Variants in HAPLN1 observed in about 807,000 individuals in gnomAD.
HAPLN1 encodes Cartilage link protein.
Under a neutral mutation model 36.5 loss-of-function variants are expected in HAPLN1, and 13 were observed. The observed-to-expected ratio is 0.36, with a 90% CI of 0.23 to 0.57. The LOEUF is 0.57. Ranked by LOEUF, HAPLN1 falls within the 20% of genes least tolerant of loss-of-function variation. The probability of loss-of-function intolerance (pLI) is 0.83; values close to 1 mark genes in which losing one functional copy is unlikely to be tolerated. For synonymous variants in HAPLN1, 202 were observed against 169.8 expected, an observed-to-expected ratio of 1.19 and a Z score of -1.48; for missense variants, 407 against 439.7, an observed-to-expected ratio of 0.93 and a Z score of 0.66.
At chr5:83,655,074 C>T (rs1416736763) in intron 2 of HAPLN1, among the ~76,000 whole-genome samples, 1 of 152,088 alleles carries the variant, frequency 6.6e-6, no homozygotes, top group Non-Finnish European at 1.5e-5. Flanking sequence ...TATTAGTCTT[C>T]CATAATTTCA....
chr5:83,664,888 T>C (rs1457329477), intron 2 of HAPLN1, among the ~76,000 whole-genome samples: 1 of 152,186 alleles, frequency 6.6e-6, no homozygotes, highest in Non-Finnish European at 1.5e-5. Context: ...GTATTCTGTT[T>C]ATACGGAAAC....
At chr5:83,710,929 C>T (rs750609214) in intron 1 of HAPLN1, among the ~76,000 whole-genome samples, 4 of 150,820 alleles carry the variant, frequency 2.7e-5, no homozygotes, top group South Asian at 2.1e-4. Context: ...CCAGCCTGGG[C>T]GACAGAGAGA....
chr5:83,714,506 CT>C (rs929011690), intron 1 of HAPLN1, among the ~76,000 whole-genome samples: 2 of 152,054 alleles, frequency 1.3e-5, no homozygotes, highest in Admixed American at 6.5e-5. Flanking sequence ...TCACTGTTTT[CT>C]TTTTTTTCAT....
intron 1 of HAPLN1, among the ~76,000 whole-genome samples, chr5:83,692,931 A>G (rs1751314048): frequency 6.6e-6 from 1 of 151,894 alleles, no homozygotes; most frequent in African/African-American, 2.4e-5. Context: ...AGTCCCCCTT[A>G]TCTTCAAGGG....
At chr5:83,663,884 A>G (rs1416512931) in intron 2 of HAPLN1, among the ~76,000 whole-genome samples, 1 of 139,216 alleles carries the variant, frequency 7.2e-6, no homozygotes, top group Non-Finnish European at 1.5e-5. Flanking sequence ...ATGATTTCTC[A>G]CCTGAACTTT....
At chr5:83,706,334 A>G (rs1050143969) in intron 1 of HAPLN1, among the ~76,000 whole-genome samples, 6 of 152,208 alleles carry the variant, frequency 3.9e-5, no homozygotes, top group African/African-American at 1.4e-4. Context: ...AATCCCTAAC[A>G]AAATACTTGA....
chr5:83,660,314 T>TA (rs1454359223), intron 2 of HAPLN1, among the ~76,000 whole-genome samples: 1 of 152,160 alleles, frequency 6.6e-6, no homozygotes. Flanking sequence ...TGTTTCATAG[T>TA]AAAAAAATGA....
At chr5:83,654,394 A>C (rs1341274853) in intron 2 of HAPLN1, among the ~76,000 whole-genome samples, 1 of 152,236 alleles carries the variant, frequency 6.6e-6, no homozygotes, top group Non-Finnish European at 1.5e-5. Context: ...TTAGGACCAT[A>C]GAATCTCAAG....
intron 1 of HAPLN1, among the ~76,000 whole-genome samples, chr5:83,686,892 GTGT>G (rs1392183672): frequency 6.6e-6 from 1 of 152,140 alleles, no homozygotes; most frequent in Admixed American, 6.5e-5. Flanking sequence ...CTGGAAGGGT[GTGT>G]TGTTTCTCCA....
chr5:83,643,787 G>A (rs1316063591), intron 4 of HAPLN1, among the ~76,000 whole-genome samples: 5 of 152,298 alleles, frequency 3.3e-5, no homozygotes, highest in Admixed American at 6.5e-5. Flanking sequence ...CACAAATGAT[G>A]TGGCTGGTTC....
Position 83,639,195 on chromosome 5 carries a change from G to A in HAPLN1, c.*2301C>T, listed in dbSNP as rs183647325. 3 of 152,184 alleles carry A rather than the reference G, an allele frequency of 2.0e-5. No homozygotes were observed. The highest frequency in any genetic ancestry group is 7.2e-5 in the African/African-American group (3 of 41,560). 9.4% of individuals were successfully genotyped at this position (152,184 alleles called of 1,614,324 possible). Reference sequence around the variant, plus strand: ...ATTAAAAAGACTCATTCAAGTATGAGTATAAAGGGCATGGAAATTCTGGTC... The same window carrying A: ...ATTAAAAAGACTCATTCAAGTATGAATATAAAGGGCATGGAAATTCTGGTC... On this transcript the variant is annotated 3_prime_UTR_variant, in exon 5 of 5. Coordinates refer to ENST00000274341, the MANE Select transcript of HAPLN1 (RefSeq NM_001884.4).
intron 1 of HAPLN1, among the ~76,000 whole-genome samples, chr5:83,707,600 CTT>C (rs1249508224): frequency 6.6e-6 from 1 of 152,156 alleles, no homozygotes; most frequent in Non-Finnish European, 1.5e-5. Flanking sequence ...TAATTAAAAA[CTT>C]AAATGTAAAA....
chr5:83,684,275 T>C (rs1458081676), intron 1 of HAPLN1, among the ~76,000 whole-genome samples: 2 of 152,100 alleles, frequency 1.3e-5, no homozygotes, highest in Non-Finnish European at 2.9e-5. Flanking sequence ...CAATTATCCA[T>C]TGAGAATCCA....
intron 1 of HAPLN1, among the ~76,000 whole-genome samples, chr5:83,704,059 G>A (rs1751572742): frequency 6.8e-6 from 1 of 148,084 alleles, no homozygotes; most frequent in South Asian, 2.1e-4. Flanking sequence ...CCTGTCAGCA[G>A]AAACCTTACA....
chr5:83,681,520 ATT>A (rs11310763), intron 1 of HAPLN1, among the ~76,000 whole-genome samples: 14 of 150,074 alleles, frequency 9.3e-5, no homozygotes, highest in African/African-American at 3.4e-4. Flanking sequence ...TAATTAATGA[ATT>A]TTTTTTTTGA....
Position 83,644,453 on chromosome 5 carries a change from G to C in HAPLN1, c.685C>G (p.Gln229Glu), listed in dbSNP as rs566237561. The change falls in exon 4 of 5, where the codon CAG (glutamine) becomes GAG (glutamate). Residue 229 changes from glutamine (Q) to glutamate (E), a missense_variant. By Grantham distance (29) the Gln-to-Glu change is conservative. Transcript: ENST00000274341. ...ITKPREPCGG[Q>E]NTVPGVRNYG... is the part of the protein sequence containing the mutation. ...TTCCTGACTCCGGGCACTGTGTTCT[G>C]CCCCCCACAGGGCTCTCTGGGCTTT... 6.2e-7 allele frequency: 1 copy of C among 1,612,900 alleles called. No homozygotes were observed. The highest frequency in any genetic ancestry group is 1.3e-5 in the African/African-American group (1 of 74,916).
intron 1 of HAPLN1, among the ~76,000 whole-genome samples, chr5:83,697,915 T>G (rs188819184): frequency 1.8e-4 from 28 of 152,320 alleles, no homozygotes; most frequent in African/African-American, 6.7e-4. Context: ...ATTAGAATTT[T>G]TTATATATTC....
chr5:83,720,630 A>T (rs977666995), intron 1 of HAPLN1, among the ~76,000 whole-genome samples, 159 bp downstream of exon 1: 1 of 152,252 alleles, frequency 6.6e-6, no homozygotes, highest in African/African-American at 2.4e-5. Flanking sequence ...AACTTTTTTA[A>T]AAGTTGAGGT....
chr5:83,665,590 C>T (rs1750529818), intron 2 of HAPLN1, among the ~76,000 whole-genome samples: 1 of 152,112 alleles, frequency 6.6e-6, no homozygotes, highest in Non-Finnish European at 1.5e-5. Context: ...TCCTTTGTTC[C>T]TACTTTTTTA....
Sources: allele counts gnomAD v4.1 joint callset (sites outside exome capture counted in the v4.1 genomes callset), GRCh38; gene constraint gnomAD v4.1.1; transcripts MANE v1.5; gene names NCBI Gene and HGNC (gene_info 2026-07-23, HGNC 2026-07-21).